Variants in LILRB4 observed in about 807,000 individuals in gnomAD.
LILRB4 encodes the protein leukocyte immunoglobulin like receptor B4, also known as leukocyte immunoglobulin-like receptor subfamily B member 4.
LILRB4 carries 49 observed loss-of-function variants against 55.2 expected under a neutral mutation model. That is an observed-to-expected ratio of 0.89 (90% CI 0.71 to 1.13). The LOEUF (loss-of-function observed/expected upper bound fraction) is 1.13. LILRB4 is among the 50% of genes most tolerant of loss of function. LILRB4 has a pLI of 0.00. For missense variants in LILRB4, 590 were observed against 555.2 expected, an observed-to-expected ratio of 1.06 and a Z score of -0.63; for synonymous variants, 229 against 213.8, an observed-to-expected ratio of 1.07 and a Z score of -0.62.
chr19:54,665,928 T>C lies in LILRB4; in HGVS notation c.871T>C (p.Leu291=). 6.2e-7 allele frequency: 1 copy of C among 1,613,320 alleles called. No individual in the cohort carries two copies. Among genetic ancestry groups the C allele is most frequent in the Non-Finnish European group, 8.5e-7 (1 of 1,179,806 alleles). Residue 291 remains leucine, a synonymous_variant, in exon 7 of 12, where the codon TTG becomes CTG. Transcript: ENST00000430952. This position sits in a 1 kb window ranked among gnomAD's most constrained non-coding sequence, Gnocchi z 5.5. ...CTGGCGTCAGGGAAAACACAGGACA[T>C]TGGGTAAGTAGGAAATTGGGGGACC...
rs562262787 is a variant in LILRB4 at position 54,666,941 on chromosome 19, G to T, written c.1041+192G>T. 4.1e-6 allele frequency: 3 copies of T among 730,468 alleles called. No homozygotes were observed. Among genetic ancestry groups the T allele is most frequent in the Non-Finnish European group, 5.0e-6 (2 of 398,526 alleles). The allele number at this position is 730,468 out of a possible 1,614,324, so 45.2% of individuals were successfully genotyped here. A position where few individuals can be genotyped will look rare whatever the true frequency, so the allele number is the denominator to read the frequency against. ...CCTGGGACCTCATGGGCCTCCTCCC[G>T]GGTCCCCTTCCTGCTCCTCATCCTC... On this transcript the variant is annotated intron_variant, in intron 10 of 11. Transcript: ENST00000430952. This position sits in a 1 kb window ranked among gnomAD's most constrained non-coding sequence, Gnocchi z 4.8.
In LILRB4 at chr19:54,665,266, G is replaced by T. The variant is rs2065216734; in HGVS notation, c.757+86G>T. 1.4e-6 allele frequency: 2 copies of T among 1,437,530 alleles called. No homozygotes were observed. The highest frequency in any genetic ancestry group is 1.4e-5 in the African/African-American group (1 of 70,772). 89.0% of individuals were successfully genotyped at this position (1,437,530 alleles called of 1,614,324 possible). A position where few individuals can be genotyped will look rare whatever the true frequency, so the allele number is the denominator to read the frequency against. On this transcript the variant is annotated intron_variant, in intron 6 of 11. Transcript: ENST00000430952. The surrounding 1 kb of genome is among the most constrained non-coding windows in gnomAD (Gnocchi z 5.5). ...GTCCTAGGTTAAGGCTCCTCTGGAG[G>T]TGGTGATGTGGACAGGCCCCTCCCC...
At position 54,666,755 on chromosome 19, in the gene LILRB4, A is replaced by G. The variant is rs369916195; in HGVS notation, c.1041+6A>G. 93 of 1,613,754 alleles carry G rather than the reference A, an allele frequency of 5.8e-5. No individual in the cohort carries two copies. The highest frequency in any genetic ancestry group is 3.3e-4 in the Middle Eastern group (2 of 6,032). The stretch of plus-strand genomic sequence containing the variant: ...GGGTGGAAATGGACACTCGGGTGAG[A>G]ACCCGCCCCTGTCCCCGGCACCAAA... On this transcript the variant is annotated splice_donor_region_variant and intron_variant, in intron 10 of 11. Transcript: ENST00000430952. This position sits in a 1 kb window ranked among gnomAD's most constrained non-coding sequence, Gnocchi z 4.8.
At chr19:54,667,993 G>A (rs756412730) in exon 12 of LILRB4, 28 of 1,613,956 alleles carry the variant, frequency 1.7e-5, no homozygotes, top group Non-Finnish European at 2.1e-5. Flanking sequence ...TGAGCCCAGT[G>A]TCTATGCCAC....
chr19:54,667,838 C>T lies in LILRB4; in HGVS notation c.1198-35C>T, dbSNP rs188411441. 3,954 of 1,607,544 alleles carry T rather than the reference C, an allele frequency of 2.5e-3. 73 individuals are homozygous for T. The African/African-American group carries it at 0.048, about 20-fold the overall frequency. On this transcript the variant is annotated intron_variant, in intron 11 of 11. Transcript: ENST00000430952. ...GGCCCCCAGGCCTCCCCCACCCCCA[C>T]CACGTTCCTTCCCTCTCACTCTCCC...
exon 12 of LILRB4, chr19:54,668,069 A>G (rs762062141): frequency 6.2e-7 from 1 of 1,607,926 alleles, no homozygotes; most frequent in Admixed American, 1.7e-5. Flanking sequence ...GGACCCCAGA[A>G]GGCATGGAAG....
intron 1 of LILRB4, 110 bp downstream of exon 1, chr19:54,663,177 T>A (rs2065080965): frequency 7.8e-7 from 1 of 1,282,158 alleles, no homozygotes; most frequent in East Asian, 2.4e-5. Context: ...CCGGGCGCGG[T>A]GGCTCACGCC....
rs201066543 is a variant in LILRB4, at chr19:54,663,826, G to A, written c.143G>A (p.Trp48Ter). Reference sequence around the variant, plus strand: ...AGCTGGGGGAACTCTGTGACCATCTGGTGTCAGGGGACCCTGGAGGCTCGG... The same window carrying A: ...AGCTGGGGGAACTCTGTGACCATCTAGTGTCAGGGGACCCTGGAGGCTCGG... The change falls in exon 3 of 12, where the codon TGG (tryptophan) becomes TAG (stop). Residue 48 changes from tryptophan to a stop codon, truncating the protein, a stop_gained. Transcript: ENST00000430952. LOFTEE classifies it high-confidence loss of function. 1.2e-6 allele frequency: 2 copies of A among 1,614,180 alleles called. No homozygotes were observed. The highest frequency in any genetic ancestry group is 1.7e-6 in the Non-Finnish European group (2 of 1,180,022).
In LILRB4 at chr19:54,665,691, G is replaced by T. The variant is rs1199966840; in HGVS notation, c.758-124G>T. 1 of 1,189,770 alleles carries T rather than the reference G, an allele frequency of 8.4e-7. No homozygotes were observed. The highest frequency in any genetic ancestry group is 1.2e-6 in the Non-Finnish European group (1 of 819,068). The allele number at this position is 1,189,770 out of a possible 1,614,324, so 73.7% of individuals were successfully genotyped here. ...GGTGGAGAGAGGGTGGCAATCTCAG[G>T]TTGCACAACTGCTGTGAGGGTTGGA... On this transcript the variant is annotated intron_variant, in intron 6 of 11. Transcript: ENST00000430952. The surrounding 1 kb of genome is among the most constrained non-coding windows in gnomAD (Gnocchi z 5.5).
Position 54,666,416 on chromosome 19 carries a change from A to T in LILRB4, c.968A>T (p.Asp323Val). 1.9e-6 allele frequency: 3 copies of T among 1,614,118 alleles called. No individual in the cohort carries two copies. ...TCCCCCAGGTCCAGCCCAGCTGCTG[A>T]CGTCCAGGGAGAAAACTTCTGTGAG... The change falls in exon 9 of 12, where the codon GAC becomes GTC. Residue 323 changes from aspartate (D) to valine (V), a missense_variant. Transcript: ENST00000430952. The surrounding 1 kb of genome is among the most constrained non-coding windows in gnomAD (Gnocchi z 4.8).
Position 54,665,155 on chromosome 19 carries a change from G to A in LILRB4, c.732G>A (p.Met244Ile). The change falls in exon 6 of 12, where the codon ATG (methionine) becomes ATA (isoleucine). Residue 244 changes from methionine to isoleucine, a missense_variant. By Grantham distance (10) the Met-to-Ile change is conservative. Coordinates refer to ENST00000430952, the Ensembl canonical transcript of LILRB4. This position sits in a 1 kb window ranked among gnomAD's most constrained non-coding sequence, Gnocchi z 5.5. Reference sequence around the variant, plus strand: ...CAGGCCCTGAGGACCAGCCCCTCATGCCTACAGGGTCAGTCCCCCACAGTG... The same window carrying A: ...CAGGCCCTGAGGACCAGCCCCTCATACCTACAGGGTCAGTCCCCCACAGTG... The A allele has an allele frequency of 8.7e-6, 14 of 1,605,704 alleles. No homozygotes were observed. Among genetic ancestry groups the A allele is most frequent in the Non-Finnish European group, 1.2e-5 (14 of 1,175,576 alleles).
At position 54,665,654 on chromosome 19, in the gene LILRB4, A is replaced by T. The variant is rs2065231022; in HGVS notation, c.758-161A>T. On this transcript the variant is annotated intron_variant, in intron 6 of 11. Transcript: ENST00000430952. This position sits in a 1 kb window ranked among gnomAD's most constrained non-coding sequence, Gnocchi z 5.5. ...CCCCTCTCTGAGCCTCAGTTTGTGC[A>T]TCTGTGAAATGGGTGGAGAGAGGGT... The T allele has an allele frequency of 1.2e-5, 11 of 953,096 alleles. No homozygotes were observed. Among genetic ancestry groups the T allele is most frequent in the Middle Eastern group, 2.1e-4 (1 of 4,810 alleles). The allele number at this position is 953,096 out of a possible 1,614,324, so 59.0% of individuals were successfully genotyped here. A position where few individuals can be genotyped will look rare whatever the true frequency, so the allele number is the denominator to read the frequency against.
At chr19:54,667,356 C>G (rs1023909202) in intron 10 of LILRB4, 6 of 629,884 alleles carry the variant, frequency 9.5e-6, no homozygotes, top group Non-Finnish European at 1.7e-5. Flanking sequence ...AATGGACGAG[C>G]CCCTGCAGGC....
At position 54,665,083 on chromosome 19, in the gene LILRB4, GT is replaced by G; in HGVS notation, c.707-46del. The G allele has an allele frequency of 6.2e-7, 1 of 1,605,838 alleles. No individual in the cohort carries two copies. The highest frequency in any genetic ancestry group is 8.5e-7 in the Non-Finnish European group (1 of 1,173,860). ...TGTTGCGGGGAGAAGCCGAGCTGATGTGGGGAGCAGGGCAGCCCCAGCCCTC... is the reference window on the plus strand; with the variant it reads ...TGTTGCGGGGAGAAGCCGAGCTGATGGGGGAGCAGGGCAGCCCCAGCCCTC... On this transcript the variant is annotated intron_variant, in intron 5 of 11. Transcript: ENST00000430952. This position sits in a 1 kb window ranked among gnomAD's most constrained non-coding sequence, Gnocchi z 5.5.
chr19:54,666,480 G>C lies in LILRB4; in HGVS notation c.988+44G>C. The C allele has an allele frequency of 6.2e-7, 1 of 1,607,500 alleles. No homozygotes were observed. Among genetic ancestry groups the C allele is most frequent in the Non-Finnish European group, 8.5e-7 (1 of 1,175,602 alleles). On this transcript the variant is annotated intron_variant, in intron 9 of 11. Coordinates refer to ENST00000430952, the Ensembl canonical transcript of LILRB4. The surrounding 1 kb of genome is among the most constrained non-coding windows in gnomAD (Gnocchi z 4.8). Reference sequence around the variant, plus strand: ...AGGTGCACCTGGGGTGGAGCTGGGGGTCCCAAAATTTCAATAGCAATGGGG... The same window carrying C: ...AGGTGCACCTGGGGTGGAGCTGGGGCTCCCAAAATTTCAATAGCAATGGGG...
chr19:54,668,281 G>A (rs1295727361), exon 12 of LILRB4: 2 of 478,472 alleles, frequency 4.2e-6, no homozygotes, highest in Non-Finnish European at 7.3e-6. Context: ...GTTTTAAATT[G>A]AATGATCATG....
At chr19:54,664,623 G>A (rs1250676801) in intron 4 of LILRB4, 138 bp downstream of exon 4, 2 of 1,077,966 alleles carry the variant, frequency 1.9e-6, no homozygotes, top group Admixed American at 5.3e-5. Context: ...GAGGACAACA[G>A]GGGCCCTCCC....
chr19:54,663,016 C>G (rs1176233164), exon 1 of LILRB4: 2 of 1,614,000 alleles, frequency 1.2e-6, no homozygotes, highest in Admixed American at 1.7e-5. Flanking sequence ...ACAGCTGGGG[C>G]CCCTGGGAGG....
chr19:54,664,438 A>G (rs775402528), exon 4 of LILRB4: 1 of 1,589,746 alleles, frequency 6.3e-7, no homozygotes, highest in Non-Finnish European at 8.5e-7. Flanking sequence ...GGCTTCTCCC[A>G]CTACCTGCTG....
Sources: gnomAD v4.1 joint callset for allele counts on GRCh38, gnomAD v4.1.1 for gene constraint, Gnocchi (gnomAD v3.1) non-coding constraint, MANE v1.5 for transcripts, NCBI Gene and HGNC (gene_info 2026-07-23, HGNC 2026-07-21) for gene names.